The following XKR4 variants were observed in gnomAD, a reference collection of about 807,000 sequenced individuals.
The protein encoded by XKR4 is XK related 4, also known as XK-related protein 4.
A neutral mutation model predicts 53.9 loss-of-function variants in XKR4; 12 were observed. The ratio of observed to expected loss-of-function variants is 0.22; its 90% CI spans 0.14 to 0.36. The LOEUF (loss-of-function observed/expected upper bound fraction) is 0.36, where lower values mean the gene tolerates loss of function less well. Ranked by LOEUF, XKR4 falls within the 10% of genes least tolerant of loss-of-function variation. The pLI is 1.00. For synonymous variants in XKR4, 354 were observed against 362.4 expected, an observed-to-expected ratio of 0.98 and a Z score of 0.26; for missense variants, 799 against 859.5, an observed-to-expected ratio of 0.93 and a Z score of 0.88.
intron 1 of XKR4, among the ~76,000 whole-genome samples, chr8:55,178,830 A>G (rs2047070723): frequency 6.6e-6 from 1 of 152,174 alleles, no homozygotes; most frequent in South Asian, 2.1e-4. Context: ...TATACGTCCT[A>G]TCTTGCTTCC....
chr8:55,390,035 G>T (rs949950128), intron 2 of XKR4, among the ~76,000 whole-genome samples: 1 of 152,128 alleles, frequency 6.6e-6, no homozygotes, highest in Non-Finnish European at 1.5e-5. Context: ...AATGCTAACG[G>T]GAAAAAACAA....
At chr8:55,421,847 G>T (rs149255164) in intron 2 of XKR4, among the ~76,000 whole-genome samples, 1 of 152,264 alleles carries the variant, frequency 6.6e-6, no homozygotes, top group Non-Finnish European at 1.5e-5. Context: ...GAGACACTAG[G>T]GAAGCAGCTG....
At chr8:55,229,416 A>G (rs1818000544) in intron 1 of XKR4, among the ~76,000 whole-genome samples, 2 of 152,244 alleles carry the variant, frequency 1.3e-5, no homozygotes, top group Admixed American at 6.5e-5. Flanking sequence ...TGTCTCCGTC[A>G]GTCGTTTCAG....
Position 55,541,915 on chromosome 8 carries a change from T to C in XKR4, c.*17688T>C, listed in dbSNP as rs1320231817. ...GAGTATTTGATGTACTACAGTACCA[T>C]AGTTATTTTGGTCTGTTAAGTAAGT... is the stretch of plus-strand genomic sequence containing the variant. On this transcript the variant is annotated 3_prime_UTR_variant, in exon 3 of 3. Transcript: ENST00000327381. 2 of 152,144 alleles carry C rather than the reference T, an allele frequency of 1.3e-5. No individual in the cohort carries two copies. Among genetic ancestry groups the C allele is most frequent in the Non-Finnish European group, 2.9e-5 (2 of 68,014 alleles). The allele number at this position is 152,144 out of a possible 1,614,324, so 9.4% of individuals were successfully genotyped here.
At chr8:55,304,480 T>C (rs536523143) in intron 1 of XKR4, among the ~76,000 whole-genome samples, 1 of 152,334 alleles carries the variant, frequency 6.6e-6, no homozygotes, top group Non-Finnish European at 1.5e-5. Flanking sequence ...TCTGTTGATT[T>C]GGGGTGGAGA....
intron 2 of XKR4, among the ~76,000 whole-genome samples, chr8:55,460,267 A>G (rs1805635008): frequency 6.6e-6 from 1 of 152,222 alleles, no homozygotes; most frequent in African/African-American, 2.4e-5. Context: ...GCTATCTGAA[A>G]TGGGATGGGA....
At chr8:55,107,369 C>T (rs1002567539) in intron 1 of XKR4, among the ~76,000 whole-genome samples, 7 of 152,152 alleles carry the variant, frequency 4.6e-5, no homozygotes, top group African/African-American at 1.7e-4. Context: ...CCTCCAAATG[C>T]CAACTTGGAT....
At chr8:55,308,382 G>A (rs1330715130) in intron 1 of XKR4, among the ~76,000 whole-genome samples, 3 of 152,196 alleles carry the variant, frequency 2.0e-5, no homozygotes, top group African/African-American at 7.2e-5. Context: ...AATCATGGTG[G>A]AAGGCAAAAC....
At chr8:55,502,518 T>A (rs910536341) in intron 2 of XKR4, among the ~76,000 whole-genome samples, 1 of 152,346 alleles carries the variant, frequency 6.6e-6, no homozygotes, top group African/African-American at 2.4e-5. Context: ...ATTGGCCATC[T>A]GTGTAACCTC....
chr8:55,280,406 A>C (rs2129373763), intron 1 of XKR4, among the ~76,000 whole-genome samples: 2 of 152,316 alleles, frequency 1.3e-5, no homozygotes, highest in African/African-American at 4.8e-5. Flanking sequence ...TAAACACAAA[A>C]GTGTAGTAGC....
chr8:55,409,443 T>A (rs866355280), intron 2 of XKR4, among the ~76,000 whole-genome samples: 2 of 152,180 alleles, frequency 1.3e-5, no homozygotes, highest in African/African-American at 2.4e-5. Flanking sequence ...AGTCAGTAAA[T>A]GAAGAGGCAT....
intron 1 of XKR4, among the ~76,000 whole-genome samples, chr8:55,306,414 T>C (rs1172796081): frequency 1.3e-5 from 2 of 152,230 alleles, no homozygotes; most frequent in African/African-American, 4.8e-5. Context: ...TTGTCCATTT[T>C]CATGCTGCTG....
At chr8:55,472,892 T>A (rs1363326115) in intron 2 of XKR4, among the ~76,000 whole-genome samples, 1 of 152,072 alleles carries the variant, frequency 6.6e-6, no homozygotes, top group African/African-American at 2.4e-5. Context: ...GTTCTCGGCA[T>A]CTTACAGAGA....
intron 2 of XKR4, among the ~76,000 whole-genome samples, chr8:55,512,515 C>T (rs1046229832): frequency 3.3e-5 from 5 of 152,286 alleles, no homozygotes; most frequent in East Asian, 1.9e-4. Flanking sequence ...CCTTAGTACA[C>T]GGGTTCTCTC....
chr8:55,204,626 C>CA (rs1360384023), intron 1 of XKR4, among the ~76,000 whole-genome samples: 1 of 151,818 alleles, frequency 6.6e-6, no homozygotes, highest in South Asian at 2.1e-4. Flanking sequence ...AACACATGAA[C>CA]AAAAAACCTG....
At chr8:55,487,467 CTTT>C (rs34679908) in intron 2 of XKR4, among the ~76,000 whole-genome samples, 1 of 143,430 alleles carries the variant, frequency 7.0e-6, no homozygotes, top group East Asian at 2.0e-4. Context: ...GACATGCTTT[CTTT>C]TTTTTTTTTT....
Position 55,478,464 on chromosome 8 carries a change from A to G in XKR4, c.1007-44817A>G, listed in dbSNP as rs538121156. ...AAAAACATGCCAAAATGTAAAGACC[A>G]TCAAGGCTAGGAAGAAACTGCATCA... On this transcript the variant is annotated intron_variant, in intron 2 of 2. Coordinates refer to ENST00000327381, the MANE Select transcript of XKR4 (RefSeq NM_052898.2). 2.0e-3 allele frequency among the ~76,000 whole-genome samples: 297 copies of G among 152,220 alleles called. 2 individuals are homozygous for G. Among genetic ancestry groups the G allele is most frequent in the African/African-American group, 6.8e-3 (282 of 41,488 alleles).
chr8:55,420,281 GTTCC>G (rs1804905748), intron 2 of XKR4, among the ~76,000 whole-genome samples: 1 of 152,124 alleles, frequency 6.6e-6, no homozygotes, highest in Non-Finnish European at 1.5e-5. Flanking sequence ...TGTTTAGAAA[GTTCC>G]TTTGGCTGTT....
chr8:55,114,878 A>G (rs942420258), intron 1 of XKR4, among the ~76,000 whole-genome samples: 4 of 152,184 alleles, frequency 2.6e-5, no homozygotes, highest in African/African-American at 9.6e-5. Context: ...CTCCACAAAC[A>G]TCTGCTTAGG....
Sources: allele counts gnomAD v4.1 joint callset (sites outside exome capture counted in the v4.1 genomes callset), GRCh38; gene constraint gnomAD v4.1.1; transcripts MANE v1.5; gene names NCBI Gene and HGNC (gene_info 2026-07-23, HGNC 2026-07-21).